Variants in C9orf85 observed in about 807,000 individuals in gnomAD.
C9orf85 encodes the protein uncharacterized protein C9orf85.
In C9orf85, 16 loss-of-function variants were observed where a neutral mutation model predicts 14.9. That is an observed-to-expected ratio of 1.08 (90% CI 0.73 to 1.63). C9orf85 has a LOEUF of 1.63. Ranked by LOEUF, C9orf85 falls within the 40% of genes most tolerant of loss-of-function variation. C9orf85 has a pLI of 0.00. For missense variants in C9orf85, 172 were observed against 186.1 expected, an observed-to-expected ratio of 0.92 and a Z score of 0.44; for synonymous variants, 45 against 56.8, an observed-to-expected ratio of 0.79 and a Z score of 0.93.
chr9:71,921,154 C>T (rs755138983), intron 1 of C9orf85, among the ~76,000 whole-genome samples: 7 of 152,124 alleles, frequency 4.6e-5, no homozygotes, highest in East Asian at 1.9e-4. Flanking sequence ...AGTATTTTTC[C>T]GGAAAATATA....
chr9:71,966,257 C>T (rs1822687459), intron 2 of C9orf85, among the ~76,000 whole-genome samples: 1 of 152,180 alleles, frequency 6.6e-6, no homozygotes. Context: ...CTGGGGGCTG[C>T]CTGATTCGTG....
Position 71,972,962 on chromosome 9 carries a change from G to T in C9orf85, c.*120G>T, listed in dbSNP as rs751156276. On this transcript the variant is annotated 3_prime_UTR_variant, in exon 4 of 4. Transcript: ENST00000334731. ...AGTTCGAGACCAGCCTGGCCAACAT[G>T]GCGGAACCCCATCTCCACTAAAAGT... is the stretch of plus-strand genomic sequence containing the variant. 3.1e-6 allele frequency: 2 copies of T among 655,596 alleles called. No homozygotes were observed. Among genetic ancestry groups the T allele is most frequent in the Non-Finnish European group, 4.8e-6 (2 of 415,240 alleles). The allele number at this position is 655,596 out of a possible 1,614,324, so 40.6% of individuals were successfully genotyped here.
At chr9:71,981,647 T>C (rs983338624) in intron 3 of C9orf85, among the ~76,000 whole-genome samples, 1 of 152,198 alleles carries the variant, frequency 6.6e-6, no homozygotes, top group African/African-American at 2.4e-5. Context: ...GTAGATGTGA[T>C]TAGTTAAGTC....
chr9:71,977,865 C>G (rs1036764831), downstream of C9orf85, among the ~76,000 whole-genome samples: 2 of 152,152 alleles, frequency 1.3e-5, no homozygotes, highest in Non-Finnish European at 2.9e-5. Context: ...GCTTACTCAT[C>G]TCTATGCTAG....
chr9:71,911,879 A>G (rs1265603640), intron 1 of C9orf85, 43 bp downstream of exon 1: 1 of 1,554,364 alleles, frequency 6.4e-7, no homozygotes, highest in East Asian at 2.2e-5. Flanking sequence ...CCAGGAAGGA[A>G]TGGCTCACTG....
intron 2 of C9orf85, among the ~76,000 whole-genome samples, chr9:71,968,105 G>T (rs866643520): frequency 2.0e-5 from 3 of 149,556 alleles, no homozygotes; most frequent in African/African-American, 7.5e-5. Flanking sequence ...TATATATAGA[G>T]AGAGAGAGAG....
intron 1 of C9orf85, among the ~76,000 whole-genome samples, chr9:71,923,006 T>C (rs1469980110): frequency 6.6e-6 from 1 of 152,176 alleles, no homozygotes; most frequent in Non-Finnish European, 1.5e-5. Flanking sequence ...GGTGCACGCC[T>C]GTAACCCCAC....
intron 1 of C9orf85, among the ~76,000 whole-genome samples, chr9:71,931,133 A>G (rs1828061658): frequency 6.6e-6 from 1 of 152,222 alleles, no homozygotes; most frequent in Non-Finnish European, 1.5e-5. Flanking sequence ...ACCCATGTCA[A>G]TCCATGTCTG....
intron 2 of C9orf85, among the ~76,000 whole-genome samples, chr9:71,960,562 C>G (rs184808952): frequency 4.5e-4 from 69 of 152,170 alleles, no homozygotes; most frequent in Admixed American, 3.6e-3. Flanking sequence ...TTACATTTTA[C>G]AGGTCTTTTT....
chr9:71,933,732 C>T (rs1415584640), intron 1 of C9orf85, among the ~76,000 whole-genome samples: 1 of 152,158 alleles, frequency 6.6e-6, no homozygotes, highest in Non-Finnish European at 1.5e-5. Flanking sequence ...CCTGGACTCC[C>T]ACTAGATGGA....
At chr9:71,945,907 TCA>T (rs1491469522) in intron 1 of C9orf85, among the ~76,000 whole-genome samples, 2 of 152,124 alleles carry the variant, frequency 1.3e-5, no homozygotes, top group Non-Finnish European at 2.9e-5. Flanking sequence ...TAGAGAATTC[TCA>T]GAGTACTCAG....
At chr9:71,935,005 A>G (rs1391229959) in intron 1 of C9orf85, among the ~76,000 whole-genome samples, 2 of 152,242 alleles carry the variant, frequency 1.3e-5, no homozygotes, top group East Asian at 3.8e-4. Flanking sequence ...CAGTAAGCAC[A>G]CAAAAGCATG....
At chr9:71,973,909 C>A (rs1404564498), downstream of C9orf85, among the ~76,000 whole-genome samples, 3 of 125,564 alleles carry the variant, frequency 2.4e-5, no homozygotes, top group Non-Finnish European at 5.2e-5. Context: ...TATTTTATTT[C>A]TTTAATTTTA....
chr9:71,923,395 A>G (rs1827860413), intron 1 of C9orf85, among the ~76,000 whole-genome samples: 1 of 152,104 alleles, frequency 6.6e-6, no homozygotes, highest in African/African-American at 2.4e-5. Context: ...CAGCCTCCCA[A>G]GTAGCTGGGA....
chr9:71,937,167 AAAGT>A (rs1828211658), intron 1 of C9orf85, among the ~76,000 whole-genome samples: 1 of 152,190 alleles, frequency 6.6e-6, no homozygotes, highest in Non-Finnish European at 1.5e-5. Flanking sequence ...AATTTCCTTA[AAAGT>A]AAGTGAGAAA....
chr9:71,982,976 C>T, exon 4 of C9orf85: 3 of 153,580 alleles, frequency 2.0e-5, no homozygotes, highest in Non-Finnish European at 2.8e-5. Flanking sequence ...GACTGAGCAT[C>T]TTTTCTTTTC....
In C9orf85 at chr9:71,939,679, G is replaced by C. The variant is rs987751051; in HGVS notation, c.103-7327G>C. Among the ~76,000 whole-genome samples the C allele has an allele frequency of 2.0e-5, 3 of 152,122 alleles. No homozygotes were observed. In the East Asian group the frequency reaches 5.8e-4, roughly 29 times the overall value. ...CCAAACAATTTTGGAAACAAAAATA[G>C]TTGGAAGAATTGAAGTACTGATTTC... is the stretch of plus-strand genomic sequence containing the variant. On this transcript the variant is annotated intron_variant, in intron 1 of 3. Coordinates refer to ENST00000334731, the MANE Select transcript of C9orf85 (RefSeq NM_182505.5).
chr9:71,959,207 G>A (rs934385733), intron 2 of C9orf85, among the ~76,000 whole-genome samples: 11 of 150,870 alleles, frequency 7.3e-5, no homozygotes, highest in South Asian at 2.1e-4. Flanking sequence ...GCACGATCTC[G>A]GCTCACTGCA....
At chr9:71,962,410 A>T (rs1001717910) in intron 2 of C9orf85, among the ~76,000 whole-genome samples, 1 of 152,220 alleles carries the variant, frequency 6.6e-6, no homozygotes, top group African/African-American at 2.4e-5. Context: ...TTGACTACAG[A>T]TGACTTAGAG....
Sources: allele counts gnomAD v4.1 joint callset (sites outside exome capture counted in the v4.1 genomes callset), GRCh38; gene constraint gnomAD v4.1.1; transcripts MANE v1.5; gene names NCBI Gene and HGNC (gene_info 2026-07-23, HGNC 2026-07-21).